Variants in GGACT observed in about 807,000 individuals in gnomAD.
GGACT encodes the protein gamma-glutamylaminecyclotransferase.
For missense variants in GGACT, 241 were observed against 233.2 expected (o/e 1.03, Z -0.22); for synonymous variants, 118 against 115.3 (o/e 1.02, Z -0.15).
intron 2 of GGACT, among the ~76,000 whole-genome samples, chr13:100,532,990 C>G (rs895571734): frequency 6.6e-6 from 1 of 152,204 alleles, no homozygotes; most frequent in Non-Finnish European, 1.5e-5. Context: ...GGCAGGAGGA[C>G]CGTGCCCTCA....
At chr13:100,586,488 A>G (rs1395723571) in intron 1 of GGACT, among the ~76,000 whole-genome samples, 2 of 124,866 alleles carry the variant, frequency 1.6e-5, no homozygotes, top group African/African-American at 3.0e-5. Context: ...CCCACCCCCG[A>G]CCCCACCCCT....
intron 2 of GGACT, among the ~76,000 whole-genome samples, chr13:100,535,050 T>C (rs1003733544): frequency 6.6e-5 from 10 of 152,206 alleles, no homozygotes; most frequent in African/African-American, 2.2e-4. Context: ...AGAAGAGAAC[T>C]TGGAAACTGT....
At position 100,532,298 on chromosome 13, in the gene GGACT, C is replaced by T. The variant is rs1008132649; in HGVS notation, c.294G>A (p.Leu98=). The T allele has an allele frequency of 3.2e-6, 5 of 1,542,084 alleles. No individual in the cohort carries two copies. Among genetic ancestry groups the T allele is most frequent in the Admixed American group, 2.0e-5 (1 of 50,756 alleles). Residue 98 remains leucine, a synonymous_variant, in exon 3 of 3, where the codon CTG becomes CTA. Transcript: ENST00000683975. ...CCTCTGCGCCCGGGGCCCGGTCCTC[C>T]AGCAGCTGTACCCGCAGCACCGTGC... ...YQRTVLRVQL[L]EDRAPGAEEP...
At chr13:100,560,632 T>G (rs1044510220) in intron 2 of GGACT, among the ~76,000 whole-genome samples, 2 of 152,268 alleles carry the variant, frequency 1.3e-5, no homozygotes, top group Non-Finnish European at 2.9e-5. Context: ...TTGCTTTCAC[T>G]GGGGCCACTC....
In GGACT at chr13:100,532,410, C is replaced by T. The variant is rs2088418712; in HGVS notation, c.182G>A (p.Arg61His). The change falls in exon 3 of 3, where the codon CGC becomes CAC. Residue 61 changes from arginine (R) to histidine (H), a missense_variant. Physicochemically the swap from Arg to His is conservative, Grantham distance 29. Coordinates refer to ENST00000683975, the MANE Select transcript of GGACT (RefSeq NM_001195087.2). ...CGCGTAGACCTCGCCCTCCACGAGG[C>T]GCCCCGAGCCGGGCAGGTGCAGCAG... ...PWLLHLPGSG[R>H]LVEGEVYAVD... The T allele has an allele frequency of 1.3e-6, 2 of 1,550,078 alleles. No individual in the cohort carries two copies. The highest frequency in any genetic ancestry group is 1.2e-5 in the South Asian group (1 of 84,056).
At chr13:100,564,308 C>T (rs952212191) in intron 2 of GGACT, among the ~76,000 whole-genome samples, 1 of 152,176 alleles carries the variant, frequency 6.6e-6, no homozygotes, top group African/African-American at 2.4e-5. Flanking sequence ...ATTCATGATG[C>T]TCTGTATACT....
intron 2 of GGACT, chr13:100,538,260 C>T (rs1379057723): frequency 1.3e-5 from 2 of 152,206 alleles, no homozygotes; most frequent in Admixed American, 6.5e-5. Context: ...CCCCAAGGCC[C>T]AAGGGAGGTG....
chr13:100,541,013 T>C (rs1285477256), intron 2 of GGACT, among the ~76,000 whole-genome samples: 1 of 152,214 alleles, frequency 6.6e-6, no homozygotes, highest in African/African-American at 2.4e-5. Context: ...TGTTTGTTTG[T>C]TTTTCCATGG....
At chr13:100,544,778 C>T (rs2088589439) in intron 2 of GGACT, among the ~76,000 whole-genome samples, 2 of 152,240 alleles carry the variant, frequency 1.3e-5, no homozygotes, top group African/African-American at 2.4e-5. Context: ...TGTGTTGCCA[C>T]CTTTAAAATG....
At chr13:100,553,120 C>T (rs1044242286) in intron 2 of GGACT, among the ~76,000 whole-genome samples, 2 of 152,184 alleles carry the variant, frequency 1.3e-5, no homozygotes, top group Admixed American at 6.5e-5. Context: ...AGTCAGATTT[C>T]GGCTTCTGTG....
At chr13:100,560,341 C>T (rs2088748600) in intron 2 of GGACT, among the ~76,000 whole-genome samples, 1 of 152,192 alleles carries the variant, frequency 6.6e-6, no homozygotes, top group Non-Finnish European at 1.5e-5. Flanking sequence ...CTTTGATCCC[C>T]CAGGATCTGA....
intron 2 of GGACT, among the ~76,000 whole-genome samples, chr13:100,565,494 G>A (rs368034520): frequency 5.3e-5 from 8 of 152,124 alleles, no homozygotes; most frequent in Non-Finnish European, 7.4e-5. Flanking sequence ...TGTTTGAAAC[G>A]AGGTCGCTGC....
rs1165672015 is a variant in GGACT at position 100,531,878 on chromosome 13, C to T, written c.*252G>A. 3 of 401,010 alleles carry T rather than the reference C, an allele frequency of 7.5e-6. No homozygotes were observed. The highest frequency in any genetic ancestry group is 1.3e-5 in the Non-Finnish European group (3 of 226,998). The allele number at this position is 401,010 out of a possible 1,614,324, so 24.8% of individuals were successfully genotyped here. The stretch of plus-strand genomic sequence containing the variant: ...GGAGGAAGAAGAATTAGGCATAACA[C>T]GAGTTCTCTAAATGTCATTTAGGGG... On this transcript the variant is annotated 3_prime_UTR_variant, in exon 3 of 3. Transcript: ENST00000683975.
chr13:100,539,097 A>G (rs1209521681), intron 2 of GGACT: 2 of 152,228 alleles, frequency 1.3e-5, no homozygotes, highest in East Asian at 3.8e-4. Context: ...ATTAGTTCTA[A>G]AAGTTTTAAG....
intron 2 of GGACT, among the ~76,000 whole-genome samples, chr13:100,554,611 G>A (rs1410999547): frequency 6.6e-6 from 1 of 152,086 alleles, no homozygotes; most frequent in African/African-American, 2.4e-5. Context: ...ATGGCATTGT[G>A]GTCCTGTAAG....
chr13:100,539,918 G>T (rs951748864), intron 2 of GGACT: 3 of 1,421,870 alleles, frequency 2.1e-6, no homozygotes, highest in Non-Finnish European at 2.9e-6. Context: ...GGCTTTGGTG[G>T]GGGACGTGGG....
chr13:100,552,914 C>A, intron 2 of GGACT, among the ~76,000 whole-genome samples: 1 of 151,912 alleles, frequency 6.6e-6, no homozygotes, highest in East Asian at 1.9e-4. Flanking sequence ...AAGTGTCCTG[C>A]AGGAGAGGGC....
chr13:100,531,378 G>A lies in GGACT; in HGVS notation c.*752C>T, dbSNP rs138000411. 518 of 152,344 alleles carry A rather than the reference G, an allele frequency of 3.4e-3. No individual in the cohort carries two copies. The highest frequency in any genetic ancestry group is 0.012 in the African/African-American group (503 of 41,580). The allele number at this position is 152,344 out of a possible 1,614,324, so 9.4% of individuals were successfully genotyped here. The stretch of plus-strand genomic sequence containing the variant: ...GCTCTCCCTTCAGGGGGCAGGGACG[G>A]GGTCTGGCTACTGAGATCTGGGCTC... On this transcript the variant is annotated 3_prime_UTR_variant, in exon 3 of 3. Transcript: ENST00000683975.
intron 2 of GGACT, among the ~76,000 whole-genome samples, chr13:100,546,317 G>A (rs2153013542): frequency 2.7e-5 from 4 of 147,218 alleles, no homozygotes. Context: ...AGCCGAGATG[G>A]CGCCACTGCA....
Sources: allele counts gnomAD v4.1 joint callset (sites outside exome capture counted in the v4.1 genomes callset), GRCh38; gene constraint gnomAD v4.1.1; transcripts MANE v1.5; gene names NCBI Gene and HGNC (gene_info 2026-07-23, HGNC 2026-07-21).